MYO9A: variants seen among roughly 807,000 people sequenced by gnomAD.
MYO9A encodes the protein myosin IXA, also known as unconventional myosin-IXa.
A neutral mutation model predicts 293.3 loss-of-function variants in MYO9A; 103 were observed. That is an observed-to-expected ratio of 0.35 (90% CI 0.30 to 0.41). The LOEUF (loss-of-function observed/expected upper bound fraction) is 0.41, where lower values mean the gene tolerates loss of function less well. MYO9A is among the 10% of genes least tolerant of loss of function. The probability of loss-of-function intolerance (pLI) is 1.00; values close to 1 mark genes in which losing one functional copy is unlikely to be tolerated. For missense variants in MYO9A, 2,685 were observed against 3,033.0 expected, an observed-to-expected ratio of 0.89 and a Z score of 2.69; for synonymous variants, 1,001 against 1,035.7, an observed-to-expected ratio of 0.97 and a Z score of 0.64.
At chr15:72,070,535 TG>T (rs2079159982) in intron 1 of MYO9A, among the ~76,000 whole-genome samples, 1 of 152,024 alleles carries the variant, frequency 6.6e-6, no homozygotes, top group African/African-American at 2.4e-5. Flanking sequence ...CTGCACATTT[TG>T]GAGGCCTTGT....
intron 40 of MYO9A, 94 bp from the exon 41 acceptor site, chr15:71,828,120 G>T: frequency 7.1e-7 from 1 of 1,401,800 alleles, no homozygotes; most frequent in Non-Finnish European, 9.7e-7. Context: ...AGGAATCTAA[G>T]AAGCAAAGAG....
chr15:71,892,796 CTTTA>C (rs901612432), intron 26 of MYO9A: 16 of 289,418 alleles, frequency 5.5e-5, no homozygotes, highest in Admixed American at 1.6e-4. Flanking sequence ...TTAAAGTGCC[CTTTA>C]TTTGAGTTCT....
chr15:72,064,670 G>A (rs527392674), intron 1 of MYO9A, among the ~76,000 whole-genome samples: 11 of 152,114 alleles, frequency 7.2e-5, no homozygotes, highest in African/African-American at 2.4e-4. Flanking sequence ...AAAAGATACC[G>A]CCACACATCT....
At position 71,961,375 on chromosome 15, in the gene MYO9A, A is replaced by G. The variant is rs76967976; in HGVS notation, c.1987-1279T>C. 4.9e-3 allele frequency among the ~76,000 whole-genome samples: 746 copies of G among 152,304 alleles called. 7 individuals are homozygous for G. The highest frequency in any genetic ancestry group is 0.017 in the African/African-American group (719 of 41,572). On this transcript the variant is annotated intron_variant, in intron 13 of 41. Coordinates refer to ENST00000356056, the MANE Select transcript of MYO9A (RefSeq NM_006901.4). ...GACTAGAGAAAGGAAAGTTATGAGG[A>G]TAAGAAATGAAGACCAAGAGATCAG...
intron 33 of MYO9A, among the ~76,000 whole-genome samples, chr15:71,860,884 T>C (rs2056087731): frequency 6.9e-6 from 1 of 145,282 alleles, no homozygotes; most frequent in Non-Finnish European, 1.5e-5. Context: ...GGACAAGCAC[T>C]TAAACCTGGA....
chr15:71,880,659 A>C, intron 28 of MYO9A, 101 bp from the exon 29 acceptor site: 4 of 1,012,868 alleles, frequency 3.9e-6, no homozygotes, highest in Non-Finnish European at 4.3e-6. Flanking sequence ...TCACTGAAGG[A>C]AACATGCAAA....
At chr15:71,862,319 C>A (rs1419088320) in intron 33 of MYO9A, among the ~76,000 whole-genome samples, 181 bp downstream of exon 33, 1 of 151,868 alleles carries the variant, frequency 6.6e-6, no homozygotes, top group African/African-American at 2.4e-5. Context: ...TCTCAGTGAC[C>A]AAATAACATC....
intron 9 of MYO9A, among the ~76,000 whole-genome samples, chr15:71,996,886 T>A (rs989647677): frequency 6.6e-6 from 1 of 151,976 alleles, no homozygotes; most frequent in East Asian, 1.9e-4. Context: ...CTCATAAGTG[T>A]AGGCAGAACT....
At chr15:71,837,781 C>T (rs2055000567) in intron 39 of MYO9A, among the ~76,000 whole-genome samples, 2 of 152,014 alleles carry the variant, frequency 1.3e-5, no homozygotes, top group African/African-American at 4.8e-5. Flanking sequence ...CTTTTAGAAA[C>T]ATGAGAAAAT....
Position 71,830,169 on chromosome 15 carries a change from G to T in MYO9A, c.6980C>A (p.Ala2327Glu). ...METDITEQQQ[A>E]AMQQEERVLT... Reference sequence around the variant, plus strand: ...TACTCTCTCCTCCTGCTGCATAGCTGCTTGCTGCTGTTCTGTGATGTCAGT... The same window carrying T: ...TACTCTCTCCTCCTGCTGCATAGCTTCTTGCTGCTGTTCTGTGATGTCAGT... Residue 2327 changes from alanine to glutamate, a missense_variant, in exon 40 of 42, where the codon GCA becomes GAA. Physicochemically the swap from Ala to Glu is moderately radical, Grantham distance 107 (BLOSUM62 -1). Coordinates refer to ENST00000356056, the MANE Select transcript of MYO9A (RefSeq NM_006901.4). 1 of 1,614,086 alleles carries T rather than the reference G, an allele frequency of 6.2e-7. No individual in the cohort carries two copies. Among genetic ancestry groups the T allele is most frequent in the South Asian group, 1.1e-5 (1 of 91,064 alleles).
chr15:72,052,359 A>G (rs1235237744), intron 1 of MYO9A, among the ~76,000 whole-genome samples: 1 of 152,154 alleles, frequency 6.6e-6, no homozygotes, highest in Non-Finnish European at 1.5e-5. Flanking sequence ...CCTCTGAGCT[A>G]TTCTATCACT....
At chr15:71,889,241 C>G (rs981169610) in intron 26 of MYO9A, among the ~76,000 whole-genome samples, 6 of 151,904 alleles carry the variant, frequency 3.9e-5, no homozygotes, top group African/African-American at 1.2e-4. Flanking sequence ...GAAAACAATC[C>G]AAGACCAAGA....
intron 40 of MYO9A, among the ~76,000 whole-genome samples, chr15:71,829,299 A>G (rs1242439556): frequency 3.3e-5 from 5 of 152,132 alleles, no homozygotes; most frequent in Admixed American, 2.6e-4. Context: ...CCAAGAAAGT[A>G]TTTTAACAGT....
intron 6 of MYO9A, among the ~76,000 whole-genome samples, chr15:72,017,373 C>T (rs1272658456): frequency 6.6e-6 from 1 of 152,100 alleles, no homozygotes; most frequent in Non-Finnish European, 1.5e-5. Flanking sequence ...TTCACAACTT[C>T]ACTGTAAGCT....
chr15:71,859,695 C>T (rs748307912), intron 34 of MYO9A, 40 bp downstream of exon 34: 1 of 1,517,774 alleles, frequency 6.6e-7, no homozygotes, highest in East Asian at 2.3e-5. Flanking sequence ...AAAAGACCAA[C>T]AGGTCTGTTA....
At chr15:72,029,203 T>C (rs145184344) in intron 3 of MYO9A, among the ~76,000 whole-genome samples, 114 of 152,306 alleles carry the variant, frequency 7.5e-4, no homozygotes, top group Non-Finnish European at 1.0e-3. Flanking sequence ...GAACTGCCTT[T>C]ATGTAAAGTT....
At chr15:72,063,819 C>T (rs1297496114) in intron 1 of MYO9A, among the ~76,000 whole-genome samples, 2 of 152,124 alleles carry the variant, frequency 1.3e-5, no homozygotes, top group African/African-American at 2.4e-5. Context: ...CCCAAAAGAA[C>T]GGAAATCAGT....
At chr15:72,117,601 C>G in intron 1 of MYO9A, 79 bp downstream of exon 1, 1 of 390,574 alleles carries the variant, frequency 2.6e-6, no homozygotes. Flanking sequence ...GCGGGGCGGC[C>G]CGACCGGAGC....
At chr15:71,971,889 G>A (rs2076021990) in intron 12 of MYO9A, among the ~76,000 whole-genome samples, 1 of 151,710 alleles carries the variant, frequency 6.6e-6, no homozygotes, top group South Asian at 2.1e-4. Flanking sequence ...TTATAATGTT[G>A]GGGTGCTTTA....
Sources: gnomAD v4.1 joint callset for allele counts (sites outside exome capture counted in the v4.1 genomes callset) on GRCh38, gnomAD v4.1.1 for gene constraint, MANE v1.5 for transcripts, NCBI Gene and HGNC (gene_info 2026-07-23, HGNC 2026-07-21) for gene names.